Variants in HS3ST4 observed in about 807,000 individuals in gnomAD.
HS3ST4 encodes the protein heparan sulfate glucosamine 3-O-sulfotransferase 4.
Under a neutral mutation model 29.2 loss-of-function variants are expected in HS3ST4, and 17 were observed. The ratio of observed to expected loss-of-function variants is 0.58; its 90% CI spans 0.40 to 0.87. The LOEUF is 0.87. HS3ST4 is among the 40% of genes least tolerant of loss of function. HS3ST4 has a pLI of 0.00. For missense variants in HS3ST4, 627 were observed against 634.5 expected, an observed-to-expected ratio of 0.99 and a Z score of 0.13; for synonymous variants, 314 against 285.7, an observed-to-expected ratio of 1.10 and a Z score of -1.00.
intron 1 of HS3ST4, among the ~76,000 whole-genome samples, chr16:26,114,895 C>G (rs1252894629): frequency 6.6e-6 from 1 of 152,018 alleles, no homozygotes; most frequent in African/African-American, 2.4e-5. Flanking sequence ...GGGAAATACT[C>G]AAGAAAATGC....
At chr16:25,860,321 A>G (rs1370312000) in intron 1 of HS3ST4, among the ~76,000 whole-genome samples, 1 of 151,978 alleles carries the variant, frequency 6.6e-6, no homozygotes, top group Non-Finnish European at 1.5e-5. Context: ...AACTAAATAT[A>G]CTCTTACCAT....
intron 1 of HS3ST4, among the ~76,000 whole-genome samples, chr16:25,883,068 G>A (rs1234327036): frequency 6.6e-6 from 1 of 151,240 alleles, no homozygotes; most frequent in African/African-American, 2.4e-5. Context: ...TATTCCACTG[G>A]CCTTGGCTAA....
intron 1 of HS3ST4, among the ~76,000 whole-genome samples, chr16:25,696,537 C>T (rs1027445659): frequency 3.0e-4 from 45 of 151,424 alleles, no homozygotes; most frequent in African/African-American, 9.0e-4. Flanking sequence ...CTTGCTCTGT[C>T]GCCCAGGCTG....
intron 1 of HS3ST4, among the ~76,000 whole-genome samples, chr16:25,929,655 C>T (rs1968443989): frequency 6.6e-6 from 1 of 152,164 alleles, no homozygotes; most frequent in Admixed American, 6.5e-5. Context: ...GCTCAGTTTT[C>T]AGCATTAGAA....
intron 1 of HS3ST4, among the ~76,000 whole-genome samples, chr16:26,090,514 A>G (rs938045411): frequency 3.3e-5 from 5 of 151,826 alleles, no homozygotes; most frequent in Admixed American, 6.6e-5. Flanking sequence ...AAAATTTCCC[A>G]TGGGAGTGGG....
chr16:25,828,767 A>G (rs1357450037), intron 1 of HS3ST4, among the ~76,000 whole-genome samples: 1 of 152,096 alleles, frequency 6.6e-6, no homozygotes, highest in Non-Finnish European at 1.5e-5. Flanking sequence ...TGCTATTTGC[A>G]TTTCTGTTCT....
chr16:25,807,289 A>G (rs1176981569), intron 1 of HS3ST4, among the ~76,000 whole-genome samples: 7 of 152,096 alleles, frequency 4.6e-5, no homozygotes, highest in Admixed American at 6.5e-5. Context: ...TTGCCTTTTT[A>G]TAGCCACACC....
At chr16:25,774,124 G>C (rs944606494) in intron 1 of HS3ST4, among the ~76,000 whole-genome samples, 4 of 152,190 alleles carry the variant, frequency 2.6e-5, no homozygotes, top group Non-Finnish European at 5.9e-5. Flanking sequence ...AGGTAAATAA[G>C]TAAGAGATAG....
chr16:26,002,941 A>ATTTT (rs138032844), intron 1 of HS3ST4, among the ~76,000 whole-genome samples: 11 of 138,978 alleles, frequency 7.9e-5, no homozygotes, highest in African/African-American at 2.9e-4. Flanking sequence ...GCATTCTTAC[A>ATTTT]TTTTTTTTTT....
intron 1 of HS3ST4, among the ~76,000 whole-genome samples, chr16:25,895,587 C>G (rs115740105): frequency 7.0e-4 from 106 of 152,018 alleles, no homozygotes; most frequent in African/African-American, 2.5e-3. Flanking sequence ...GTGGACTGGG[C>G]GCCTTCACCA....
At chr16:25,883,687 AGCATT>A (rs1967917553) in intron 1 of HS3ST4, among the ~76,000 whole-genome samples, 2 of 152,224 alleles carry the variant, frequency 1.3e-5, no homozygotes, top group Non-Finnish European at 2.9e-5. Flanking sequence ...GAATAAGCTG[AGCATT>A]TTATATCCAT....
intron 1 of HS3ST4, among the ~76,000 whole-genome samples, chr16:26,107,676 G>GAAT (rs1899075357): frequency 6.6e-6 from 1 of 152,144 alleles, no homozygotes; most frequent in Non-Finnish European, 1.5e-5. Flanking sequence ...ACTTCACATA[G>GAAT]AATAATGGCC....
rs557563482 is a variant in HS3ST4 at position 25,977,769 on chromosome 16, C to T, written c.735-157843C>T. Among the ~76,000 whole-genome samples, 58 of 152,314 alleles carry T rather than the reference C, an allele frequency of 3.8e-4. 1 individual carries two copies. The South Asian group carries it at 0.012, about 31-fold the overall frequency. On this transcript the variant is annotated intron_variant, in intron 1 of 1. Coordinates refer to ENST00000331351, the MANE Select transcript of HS3ST4 (RefSeq NM_006040.3). ...TATTCTTTAATTAAAGCCGTAGCAA[C>T]CACAGCTGTTGACAGCCTGATTTAA...
chr16:26,113,881 G>C (rs76316574), intron 1 of HS3ST4, among the ~76,000 whole-genome samples: 2,711 of 152,164 alleles, frequency 0.018, 71 homozygotes, highest in African/African-American at 0.06. Flanking sequence ...GTTTGGGTCA[G>C]GGTTTCATGT....
intron 1 of HS3ST4, among the ~76,000 whole-genome samples, chr16:26,122,353 G>T (rs923620911): frequency 2.6e-5 from 4 of 151,940 alleles, no homozygotes; most frequent in Admixed American, 2.0e-4. Flanking sequence ...CAAATGATAT[G>T]GAAGGGTTTA....
At chr16:26,031,089 C>G (rs1969526393) in intron 1 of HS3ST4, among the ~76,000 whole-genome samples, 1 of 152,214 alleles carries the variant, frequency 6.6e-6, no homozygotes, top group Non-Finnish European at 1.5e-5. Context: ...AGAGCAGACA[C>G]TGGGTAAAAC....
chr16:25,956,870 C>T (rs569309732), intron 1 of HS3ST4, among the ~76,000 whole-genome samples: 28 of 151,890 alleles, frequency 1.8e-4, no homozygotes, highest in Non-Finnish European at 3.7e-4. Flanking sequence ...TGGTGGTGGG[C>T]GCATGTAATC....
chr16:25,720,916 T>G (rs1966488380), intron 1 of HS3ST4, among the ~76,000 whole-genome samples: 1 of 152,172 alleles, frequency 6.6e-6, no homozygotes, highest in Admixed American at 6.5e-5. Flanking sequence ...GACTACTCAG[T>G]CTTTGGCAAA....
chr16:25,827,044 AG>A (rs1967224479), intron 1 of HS3ST4, among the ~76,000 whole-genome samples: 1 of 152,216 alleles, frequency 6.6e-6, no homozygotes, highest in African/African-American at 2.4e-5. Context: ...ATGGACTCAA[AG>A]ATAGAAAATG....
Sources: gnomAD v4.1 joint callset for allele counts (sites outside exome capture counted in the v4.1 genomes callset) on GRCh38, gnomAD v4.1.1 for gene constraint, MANE v1.5 for transcripts, NCBI Gene and HGNC (gene_info 2026-07-23, HGNC 2026-07-21) for gene names.